Variants in KIF13A observed in about 807,000 individuals in gnomAD.
KIF13A encodes kinesin-like protein KIF13A.
Under a neutral mutation model 212.2 loss-of-function variants are expected in KIF13A, and 79 were observed. The ratio of observed to expected loss-of-function variants is 0.37; its 90% CI spans 0.31 to 0.45. The LOEUF (loss-of-function observed/expected upper bound fraction) is 0.45, where lower values mean the gene tolerates loss of function less well. KIF13A is among the 20% of genes least tolerant of loss of function. The pLI, the probability that KIF13A is intolerant of heterozygous loss-of-function variation, is 1.00. For missense variants in KIF13A, 1,901 were observed against 2,209.0 expected, an observed-to-expected ratio of 0.86 and a Z score of 2.79; for synonymous variants, 789 against 808.6, an observed-to-expected ratio of 0.98 and a Z score of 0.41.
chr6:17,862,213 T>A (rs1245257965), intron 4 of KIF13A, among the ~76,000 whole-genome samples: 1 of 152,160 alleles, frequency 6.6e-6, no homozygotes, highest in Non-Finnish European at 1.5e-5. Context: ...TTTTACTTCT[T>A]ACCAGCTATG....
At chr6:17,831,535 CA>C (rs113644151) in intron 12 of KIF13A, among the ~76,000 whole-genome samples, 8,239 of 151,288 alleles carry the variant, frequency 0.054, 587 homozygotes, top group African/African-American at 0.16. Flanking sequence ...TTGAAGGGTA[CA>C]AAATGCCAGG....
intron 4 of KIF13A, among the ~76,000 whole-genome samples, chr6:17,861,859 T>C (rs1768822528): frequency 6.6e-6 from 1 of 152,220 alleles, no homozygotes; most frequent in South Asian, 2.1e-4. Flanking sequence ...TACCTTATTC[T>C]TGGTCATACG....
intron 3 of KIF13A, among the ~76,000 whole-genome samples, chr6:17,884,321 A>G (rs1039008583): frequency 6.6e-6 from 1 of 152,210 alleles, no homozygotes; most frequent in Middle Eastern, 3.2e-3. Flanking sequence ...TGTTATCAAT[A>G]TTATCATTAT....
intron 2 of KIF13A, among the ~76,000 whole-genome samples, chr6:17,952,460 C>A (rs113438291): frequency 1.3e-5 from 2 of 151,424 alleles, no homozygotes; most frequent in African/African-American, 4.9e-5. Flanking sequence ...TGGCAAGATT[C>A]TGCCTCTACA....
In KIF13A at chr6:17,771,258, A is replaced by C. The variant is rs199896371; in HGVS notation, c.4477-40T>G. The C allele has an allele frequency of 3.0e-6, 4 of 1,350,732 alleles. No individual in the cohort carries two copies. In the African/African-American group the frequency reaches 5.7e-5, roughly 19 times the overall value. The allele number at this position is 1,350,732 out of a possible 1,614,324, so 83.7% of individuals were successfully genotyped here. A position where few individuals can be genotyped will look rare whatever the true frequency, so the allele number is the denominator to read the frequency against. ...ACACACAGATGCATCACACACAAAG[A>C]CGACAACGGCCAAAATACATATTAA... On this transcript the variant is annotated intron_variant, in intron 37 of 38. Coordinates refer to ENST00000259711, the MANE Select transcript of KIF13A (RefSeq NM_022113.6). The surrounding 1 kb of genome is among the most constrained non-coding windows in gnomAD (Gnocchi z 5.4).
Position 17,987,223 on chromosome 6 carries a change from G to C in KIF13A, c.56-79C>G. 2 of 1,288,856 alleles carry C rather than the reference G, an allele frequency of 1.6e-6. No homozygotes were observed. Among genetic ancestry groups the C allele is most frequent in the Non-Finnish European group, 2.2e-6 (2 of 929,590 alleles). The allele number at this position is 1,288,856 out of a possible 1,614,324, so 79.8% of individuals were successfully genotyped here. ...CGCCCGCCCGCCAGCCGCGCCGAGC[G>C]GGGCTCCGTCCCTGGAGGCGGCCGA... On this transcript the variant is annotated intron_variant, in intron 1 of 38. Transcript: ENST00000259711. The surrounding 1 kb of genome is among the most constrained non-coding windows in gnomAD (Gnocchi z 7.7).
rs916115897 is a variant in KIF13A at position 17,883,655 on chromosome 6, T to C, written c.160-10218A>G. Among the ~76,000 whole-genome samples the C allele has an allele frequency of 6.6e-6, 1 of 152,222 alleles. No homozygotes were observed. The highest frequency in any genetic ancestry group is 2.4e-5 in the African/African-American group (1 of 41,460). On this transcript the variant is annotated intron_variant, in intron 3 of 38. Transcript: ENST00000259711. This position sits in a 1 kb window ranked among gnomAD's most constrained non-coding sequence, Gnocchi z 4.8. ...AGAAATGACCCTATTCATCTGTATA[T>C]TACGTCAATGGTCAGCCAACTTCTC...
chr6:17,922,776 A>G (rs981558250), intron 2 of KIF13A, among the ~76,000 whole-genome samples: 1 of 151,322 alleles, frequency 6.6e-6, no homozygotes, highest in Non-Finnish European at 1.5e-5. Flanking sequence ...TTAATTGTAC[A>G]TATTTCTTCT....
chr6:17,806,504 G>A (rs766176311), intron 18 of KIF13A, among the ~76,000 whole-genome samples: 1 of 152,164 alleles, frequency 6.6e-6, no homozygotes, highest in Non-Finnish European at 1.5e-5. Context: ...TAGCTTGCTT[G>A]CTGGAAGAAA....
intron 32 of KIF13A, among the ~76,000 whole-genome samples, chr6:17,779,334 C>T (rs1310770294): frequency 1.4e-5 from 2 of 142,624 alleles, no homozygotes; most frequent in African/African-American, 2.6e-5. Context: ...TGCAATGGCG[C>T]GATCTCGGCT....
At chr6:17,846,975 G>A (rs1212885994) in intron 9 of KIF13A, among the ~76,000 whole-genome samples, 1 of 152,216 alleles carries the variant, frequency 6.6e-6, no homozygotes, top group East Asian at 1.9e-4. Flanking sequence ...AACTTGCTCT[G>A]TCTTGGTTTT....
chr6:17,833,470 C>T lies in KIF13A; in HGVS notation c.1266+491G>A, dbSNP rs1238321625. 2.1e-5 allele frequency among the ~76,000 whole-genome samples: 3 copies of T among 144,354 alleles called. No individual in the cohort carries two copies. In the Admixed American group the frequency reaches 2.2e-4, roughly 11 times the overall value. The allele number at this position is 144,354 out of a possible 152,430, so 94.7% of individuals were successfully genotyped here. On this transcript the variant is annotated intron_variant, in intron 12 of 38. Transcript: ENST00000259711. Reference sequence around the variant, plus strand: ...TGTGATTGAGCTGCTGTACTCCAGCCTGGGTGACAGAGGGAGACCTTGTCT... The same window carrying T: ...TGTGATTGAGCTGCTGTACTCCAGCTTGGGTGACAGAGGGAGACCTTGTCT...
chr6:17,810,584 G>A (rs1459115027), intron 17 of KIF13A, among the ~76,000 whole-genome samples: 1 of 152,160 alleles, frequency 6.6e-6, no homozygotes, highest in Non-Finnish European at 1.5e-5. Flanking sequence ...CATTTATTGT[G>A]CACTTTATTT....
downstream of KIF13A, among the ~76,000 whole-genome samples, chr6:17,762,068 A>C (rs1758611023): frequency 6.6e-6 from 1 of 152,080 alleles, no homozygotes; most frequent in Non-Finnish European, 1.5e-5. Context: ...AAAAATTTTA[A>C]TTTTTAAAAT....
At chr6:17,940,028 C>T (rs559172143) in intron 2 of KIF13A, among the ~76,000 whole-genome samples, 111 of 141,734 alleles carry the variant, frequency 7.8e-4, no homozygotes, top group Admixed American at 4.0e-3. Context: ...GGAGACAGAG[C>T]GAGACTCCGT....
intron 2 of KIF13A, among the ~76,000 whole-genome samples, chr6:17,924,144 A>G (rs1775305970): frequency 6.6e-6 from 1 of 152,228 alleles, no homozygotes; most frequent in Non-Finnish European, 1.5e-5. Context: ...AATATATGTT[A>G]AAACTGTGAG....
chr6:17,830,792 C>A (rs1049895907), intron 13 of KIF13A, among the ~76,000 whole-genome samples: 1 of 152,132 alleles, frequency 6.6e-6, no homozygotes, highest in Admixed American at 6.5e-5. Context: ...CAGATATTCC[C>A]AGAATCCTCA....
intron 9 of KIF13A, among the ~76,000 whole-genome samples, chr6:17,842,412 C>G (rs376559606): frequency 2.5e-4 from 38 of 152,098 alleles, no homozygotes; most frequent in African/African-American, 8.7e-4. Context: ...AAAAAAACCA[C>G]TAAGTATTGA....
chr6:17,912,251 T>C lies in KIF13A; in HGVS notation c.147-14071A>G, dbSNP rs1045511754. Reference sequence around the variant, plus strand: ...ATACCTACGACATACCCAGAAAAATTAGAAGTTAAAAAAAAAATACAAGCT... The same window carrying C: ...ATACCTACGACATACCCAGAAAAATCAGAAGTTAAAAAAAAAATACAAGCT... On this transcript the variant is annotated intron_variant, in intron 2 of 38. Transcript: ENST00000259711. This position sits in a 1 kb window ranked among gnomAD's most constrained non-coding sequence, Gnocchi z 4.2. Among the ~76,000 whole-genome samples, 2 of 151,886 alleles carry C rather than the reference T, an allele frequency of 1.3e-5. No homozygotes were observed. The highest frequency in any genetic ancestry group is 4.8e-5 in the African/African-American group (2 of 41,300).
Sources: allele counts gnomAD v4.1 joint callset (sites outside exome capture counted in the v4.1 genomes callset), GRCh38; gene constraint gnomAD v4.1.1; non-coding constraint Gnocchi (gnomAD v3.1); transcripts MANE v1.5; gene names NCBI Gene and HGNC (gene_info 2026-07-23, HGNC 2026-07-21).